The following COMMD10 variants were observed in gnomAD, a reference collection of about 807,000 sequenced individuals.
COMMD10 encodes the protein COMM domain-containing protein 10.
In COMMD10, 33 loss-of-function variants were observed where a neutral mutation model predicts 28.9. That is an observed-to-expected ratio of 1.14 (90% CI 0.87 to 1.53). The LOEUF (loss-of-function observed/expected upper bound fraction) is 1.53, where lower values mean the gene tolerates loss of function less well. Among genes scored for constraint, COMMD10 ranks in the 40% most tolerant of loss-of-function variants. The pLI is 0.00. For missense variants in COMMD10, 310 were observed against 233.4 expected, an observed-to-expected ratio of 1.33 and a Z score of -2.14; for synonymous variants, 110 against 81.7, an observed-to-expected ratio of 1.35 and a Z score of -1.87.
chr5:116,127,253 G>A (rs562450165), intron 4 of COMMD10, among the ~76,000 whole-genome samples: 44 of 152,118 alleles, frequency 2.9e-4, no homozygotes, highest in African/African-American at 5.6e-4. Context: ...TTAGAATGGC[G>A]ATCATTAAAA....
At chr5:116,248,147 T>A (rs867896842) in intron 5 of COMMD10, among the ~76,000 whole-genome samples, 8 of 145,898 alleles carry the variant, frequency 5.5e-5, no homozygotes, top group Non-Finnish European at 1.5e-5. Flanking sequence ...AAAAAAAAAA[T>A]AACTGAGCAT....
chr5:116,132,356 G>T (rs1245179961), intron 4 of COMMD10, among the ~76,000 whole-genome samples: 1 of 152,142 alleles, frequency 6.6e-6, no homozygotes, highest in Non-Finnish European at 1.5e-5. Context: ...GATCTTGAAA[G>T]ATTGTGGCTT....
intron 5 of COMMD10, among the ~76,000 whole-genome samples, chr5:116,286,090 T>G (rs1751211786): frequency 6.6e-6 from 1 of 151,846 alleles, no homozygotes; most frequent in Non-Finnish European, 1.5e-5. Flanking sequence ...TTAGTCTTAG[T>G]AGGTTGTTTC....
intron 1 of COMMD10, chr5:116,085,427 C>T (rs1750061495): frequency 5.7e-6 from 2 of 348,050 alleles, no homozygotes; most frequent in Non-Finnish European, 1.0e-5. Context: ...TCAGTGCTGC[C>T]GAATCACGTG....
intron 5 of COMMD10, among the ~76,000 whole-genome samples, chr5:116,208,976 A>G (rs750960339): frequency 2.6e-5 from 4 of 152,094 alleles, no homozygotes; most frequent in African/African-American, 4.8e-5. Context: ...GTGATTTTCT[A>G]AATTTTTACT....
At chr5:116,154,045 A>G (rs931115200) in intron 5 of COMMD10, among the ~76,000 whole-genome samples, 4 of 152,102 alleles carry the variant, frequency 2.6e-5, no homozygotes, top group African/African-American at 9.7e-5. Flanking sequence ...GTCAGCTGAG[A>G]TACTGATTGA....
intron 5 of COMMD10, among the ~76,000 whole-genome samples, chr5:116,239,446 A>G (rs1398194052): frequency 6.6e-6 from 1 of 152,124 alleles, no homozygotes; most frequent in Non-Finnish European, 1.5e-5. Context: ...AACTCGTATC[A>G]TGATTCTGGA....
At chr5:116,195,636 A>G (rs1303126272) in intron 5 of COMMD10, among the ~76,000 whole-genome samples, 2 of 152,180 alleles carry the variant, frequency 1.3e-5, no homozygotes, top group East Asian at 3.8e-4. Context: ...AAAAACTACA[A>G]AAGACTACTG....
intron 5 of COMMD10, among the ~76,000 whole-genome samples, chr5:116,143,062 GTT>G (rs869205147): frequency 7.7e-5 from 2 of 26,054 alleles, no homozygotes; most frequent in Non-Finnish European, 1.7e-4. Context: ...TTTAATGTGT[GTT>G]TTTGGTTTTT....
chr5:116,250,741 A>T lies in COMMD10; in HGVS notation c.511-40776A>T, dbSNP rs150985820. On this transcript the variant is annotated intron_variant, in intron 5 of 6. Transcript: ENST00000274458. ...TGATCAGCCTGCCTGAACCTTGGAG[A>T]GTCTCTCTTCTGAGAATCTGCAAGG... is the stretch of plus-strand genomic sequence containing the variant. 3.9e-5 allele frequency among the ~76,000 whole-genome samples: 6 copies of T among 152,028 alleles called. No individual in the cohort carries two copies. In the East Asian group the frequency reaches 1.2e-3, roughly 29 times the overall value.
intron 5 of COMMD10, among the ~76,000 whole-genome samples, chr5:116,217,110 C>A (rs35201618): frequency 6.0e-5 from 9 of 150,686 alleles, no homozygotes; most frequent in Admixed American, 6.6e-5. Flanking sequence ...TAATAAATGA[C>A]CTTAGGGAAG....
chr5:116,111,924 T>A (rs543836938), intron 4 of COMMD10, among the ~76,000 whole-genome samples: 1 of 152,316 alleles, frequency 6.6e-6, no homozygotes, highest in African/African-American at 2.4e-5. Flanking sequence ...TAGTAATATT[T>A]GTTTTATGAA....
intron 4 of COMMD10, among the ~76,000 whole-genome samples, chr5:116,114,435 C>A (rs1015702661): frequency 1.2e-4 from 19 of 152,162 alleles, no homozygotes; most frequent in African/African-American, 4.3e-4. Flanking sequence ...GACCTCCAGG[C>A]TGGGTGGCAC....
At chr5:116,256,606 T>A (rs1413690775) in intron 5 of COMMD10, among the ~76,000 whole-genome samples, 1 of 151,804 alleles carries the variant, frequency 6.6e-6, no homozygotes, top group South Asian at 2.1e-4. Flanking sequence ...TCCAAAATGG[T>A]TGGAACCAGA....
At chr5:116,170,805 C>T (rs1264823172) in intron 5 of COMMD10, among the ~76,000 whole-genome samples, 1 of 152,020 alleles carries the variant, frequency 6.6e-6, no homozygotes, top group African/African-American at 2.4e-5. Flanking sequence ...GAAACTGGAC[C>T]CCTTCCTTAC....
chr5:116,213,611 T>G (rs1327407303), intron 5 of COMMD10, among the ~76,000 whole-genome samples: 1 of 152,144 alleles, frequency 6.6e-6, no homozygotes, highest in Non-Finnish European at 1.5e-5. Context: ...GACCAACGGA[T>G]TTATAACCTG....
chr5:116,219,156 C>G (rs77060947), intron 5 of COMMD10, among the ~76,000 whole-genome samples: 12 of 152,070 alleles, frequency 7.9e-5, no homozygotes, highest in Non-Finnish European at 7.4e-5. Context: ...CTTGGACTTT[C>G]AGCTTCCAGA....
intron 1 of COMMD10, 172 bp downstream of exon 1, chr5:116,085,265 G>A: frequency 3.2e-6 from 2 of 631,846 alleles, no homozygotes; most frequent in South Asian, 1.9e-5. Flanking sequence ...AGTGCGTGGG[G>A]CCGTGTAGCG....
intron 4 of COMMD10, among the ~76,000 whole-genome samples, chr5:116,106,500 C>G (rs1750843879): frequency 6.6e-6 from 1 of 152,100 alleles, no homozygotes; most frequent in Admixed American, 6.5e-5. Flanking sequence ...TCTATTAAGT[C>G]CACTTGGTCC....
Sources: allele counts gnomAD v4.1 joint callset (sites outside exome capture counted in the v4.1 genomes callset), GRCh38; gene constraint gnomAD v4.1.1; transcripts MANE v1.5; gene names NCBI Gene and HGNC (gene_info 2026-07-23, HGNC 2026-07-21).